Variants in RBFOX1 observed in about 807,000 individuals in gnomAD.
The protein encoded by RBFOX1 is RNA binding protein fox-1 homolog 1.
A neutral mutation model predicts 57.7 loss-of-function variants in RBFOX1; 8 were observed. That is an observed-to-expected ratio of 0.14 (90% CI 0.08 to 0.25). RBFOX1 has a LOEUF of 0.25. Ranked by LOEUF, RBFOX1 falls within the 10% of genes least tolerant of loss-of-function variation. The pLI, the probability that RBFOX1 is intolerant of heterozygous loss-of-function variation, is 1.00. For missense variants in RBFOX1, 611 were observed against 548.5 expected, an observed-to-expected ratio of 1.11 and a Z score of -1.14; for synonymous variants, 326 against 222.4, an observed-to-expected ratio of 1.47 and a Z score of -4.15.
At chr16:6,002,661 A>T (rs2060622181) in intron 4 of RBFOX1, among the ~76,000 whole-genome samples, 1 of 152,220 alleles carries the variant, frequency 6.6e-6, no homozygotes, top group Non-Finnish European at 1.5e-5. Context: ...TCCAGAAAGG[A>T]CACAGCTTCT....
intron 3 of RBFOX1, among the ~76,000 whole-genome samples, chr16:5,786,784 A>C (rs564831316): frequency 1.1e-4 from 16 of 152,168 alleles, no homozygotes; most frequent in Non-Finnish European, 2.1e-4. Context: ...GACAGTGAGA[A>C]ATTGGTGTTT....
rs547009719 is a variant in RBFOX1, at chr16:5,529,899, AC to A, written c.258+62646del. On this transcript the variant is annotated intron_variant, in intron 2 of 2. Transcript: ENST00000585867. ...TCCTTTTAAATGGGGATATTTAGACACAGGGAGAGAACACCAGTGAAGGCTG... is the reference window on the plus strand; with the variant it reads ...TCCTTTTAAATGGGGATATTTAGACAAGGGAGAGAACACCAGTGAAGGCTG... Among the ~76,000 whole-genome samples, 517 of 152,220 alleles carry A rather than the reference AC, an allele frequency of 3.4e-3. 1 individual carries two copies. The highest frequency in any genetic ancestry group is 5.5e-3 in the Non-Finnish European group (375 of 68,016).
At chr16:6,444,094 G>A (rs1005393885) in intron 2 of RBFOX1, among the ~76,000 whole-genome samples, 2 of 152,178 alleles carry the variant, frequency 1.3e-5, no homozygotes, top group African/African-American at 4.8e-5. Context: ...AAATGAGGAA[G>A]TTATTCTTGT....
At chr16:5,330,818 C>G (rs1046388800) in intron 1 of RBFOX1, among the ~76,000 whole-genome samples, 3 of 151,898 alleles carry the variant, frequency 2.0e-5, no homozygotes, top group African/African-American at 7.3e-5. Flanking sequence ...GGAAAAGTCC[C>G]CAAAGCAAAC....
At chr16:7,110,732 T>C (rs898849730) in intron 4 of RBFOX1, among the ~76,000 whole-genome samples, 1 of 152,062 alleles carries the variant, frequency 6.6e-6, no homozygotes, top group Non-Finnish European at 1.5e-5. Context: ...AAAAACAAGA[T>C]TTTTGAGTTT....
intron 1 of RBFOX1, among the ~76,000 whole-genome samples, chr16:5,363,335 G>A (rs564028539): frequency 2.8e-4 from 43 of 152,134 alleles, no homozygotes; most frequent in African/African-American, 9.2e-4. Flanking sequence ...ATAAGCCACC[G>A]TGTCCAGCCT....
intron 10 of RBFOX1, among the ~76,000 whole-genome samples, chr16:7,626,376 C>G (rs935703464): frequency 6.6e-6 from 1 of 152,346 alleles, no homozygotes; most frequent in Non-Finnish European, 1.5e-5. Context: ...GACCTTGGCA[C>G]TGGCTTACTC....
At chr16:6,284,890 T>C (rs1028318852) in intron 1 of RBFOX1, among the ~76,000 whole-genome samples, 50 of 152,128 alleles carry the variant, frequency 3.3e-4, no homozygotes, top group African/African-American at 1.2e-3. Flanking sequence ...AACTGCAGTT[T>C]GTGAAATGGA....
chr16:5,963,066 G>A (rs2059781483), intron 4 of RBFOX1, among the ~76,000 whole-genome samples: 1 of 152,126 alleles, frequency 6.6e-6, no homozygotes, highest in African/African-American at 2.4e-5. Context: ...ATCGTAATAT[G>A]TGAGTTAATA....
intron 3 of RBFOX1, among the ~76,000 whole-genome samples, chr16:6,796,296 A>C (rs546235852): frequency 6.6e-6 from 1 of 152,140 alleles, no homozygotes; most frequent in African/African-American, 2.4e-5. Context: ...TCCTCCCATG[A>C]CACTTGGGAA....
intron 3 of RBFOX1, among the ~76,000 whole-genome samples, chr16:5,751,031 G>C (rs2053179830): frequency 1.3e-5 from 2 of 152,122 alleles, no homozygotes; most frequent in African/African-American, 4.8e-5. Context: ...TAGTAGAGAG[G>C]TGGGTTTCAC....
At chr16:5,341,761 T>A (rs2065037709) in intron 1 of RBFOX1, among the ~76,000 whole-genome samples, 1 of 152,152 alleles carries the variant, frequency 6.6e-6, no homozygotes, top group Non-Finnish European at 1.5e-5. Context: ...GTGGCCCCTT[T>A]TGTGGGGATG....
At position 5,778,735 on chromosome 16, in the gene RBFOX1, G is replaced by A. The variant is rs149434687; in HGVS notation, c.319-88568G>A. Among the ~76,000 whole-genome samples, 108 of 152,238 alleles carry A rather than the reference G, an allele frequency of 7.1e-4. 1 individual carries two copies. Among genetic ancestry groups the A allele is most frequent in the Admixed American group, 1.1e-3 (17 of 15,294 alleles). On this transcript the variant is annotated intron_variant, in intron 3 of 19. Transcript: ENST00000641259. ...TCTTCACTATGAGGGTGAATAGGAG[G>A]TGACCAGAGAAGAGTTTTCCCCTAG...
At chr16:7,026,817 A>T (rs2041100995) in intron 3 of RBFOX1, among the ~76,000 whole-genome samples, 1 of 152,176 alleles carries the variant, frequency 6.6e-6, no homozygotes, top group Non-Finnish European at 1.5e-5. Context: ...AAGTTTACAC[A>T]TGGCACCTGC....
At chr16:6,568,504 G>T (rs772588795) in intron 2 of RBFOX1, among the ~76,000 whole-genome samples, 2 of 152,150 alleles carry the variant, frequency 1.3e-5, no homozygotes, top group Non-Finnish European at 2.9e-5. Context: ...CCCAACCTCA[G>T]AGTGACATAC....
intron 2 of RBFOX1, among the ~76,000 whole-genome samples, chr16:6,367,608 G>C (rs1275012155): frequency 6.6e-6 from 1 of 152,058 alleles, no homozygotes; most frequent in Non-Finnish European, 1.5e-5. Flanking sequence ...ATCAGGTAAA[G>C]CTAAAATTGT....
chr16:7,155,712 AATATAT>A lies in RBFOX1; in HGVS notation c.27+103636_27+103641del, dbSNP rs1186735495. On this transcript the variant is annotated intron_variant, in intron 4 of 15. Transcript: ENST00000550418. ...TCTCCTCCCACCAAAAAAAAAAAAAAATATATATATATATATATATATATATACACA... is the reference window on the plus strand; with the variant it reads ...TCTCCTCCCACCAAAAAAAAAAAAAAATATATATATATATATATATACACA... 5.1e-3 allele frequency among the ~76,000 whole-genome samples: 397 copies of A among 77,144 alleles called. 11 individuals carry two copies. Among genetic ancestry groups the A allele is most frequent in the East Asian group, 0.014 (43 of 2,966 alleles). 50.6% of individuals were successfully genotyped at this position (77,144 alleles called of 152,430 possible). A position where few individuals can be genotyped will look rare whatever the true frequency, so the allele number is the denominator to read the frequency against.
At chr16:7,200,253 C>T (rs2087988757) in intron 4 of RBFOX1, among the ~76,000 whole-genome samples, 2 of 152,120 alleles carry the variant, frequency 1.3e-5, no homozygotes, top group African/African-American at 2.4e-5. Flanking sequence ...TACTGTGGTT[C>T]TGAGATTTAA....
intron 9 of RBFOX1, among the ~76,000 whole-genome samples, chr16:7,604,209 G>T (rs556270624): frequency 6.6e-6 from 1 of 152,268 alleles, no homozygotes; most frequent in South Asian, 2.1e-4. Context: ...TCATGAGTGG[G>T]GGGAGAAGAG....
Sources: gnomAD v4.1 joint callset for allele counts (sites outside exome capture counted in the v4.1 genomes callset) on GRCh38, gnomAD v4.1.1 for gene constraint, MANE v1.5 for transcripts, NCBI Gene and HGNC (gene_info 2026-07-23, HGNC 2026-07-21) for gene names.